Variants in KIAA0825 observed in about 807,000 individuals in gnomAD.
KIAA0825 encodes KIAA0825.
Under a neutral mutation model 147.6 loss-of-function variants are expected in KIAA0825, and 119 were observed. The observed-to-expected ratio is 0.81, with a 90% CI of 0.69 to 0.94. KIAA0825 has a LOEUF of 0.94. KIAA0825 is among the 40% of genes least tolerant of loss of function. The probability of loss-of-function intolerance (pLI) is 0.00; values close to 1 mark genes in which losing one functional copy is unlikely to be tolerated. For missense variants in KIAA0825, 1,381 were observed against 1,472.7 expected, an observed-to-expected ratio of 0.94 and a Z score of 1.02; for synonymous variants, 470 against 518.1, an observed-to-expected ratio of 0.91 and a Z score of 1.26.
chr5:94,590,041 G>A (rs562872523), intron 1 of KIAA0825, among the ~76,000 whole-genome samples: 1 of 152,170 alleles, frequency 6.6e-6, no homozygotes, highest in African/African-American at 2.4e-5. Context: ...CCAGGCTGGA[G>A]TGGAGTGGCG....
chr5:94,227,791 G>A (rs1774339292), intron 20 of KIAA0825, among the ~76,000 whole-genome samples: 1 of 151,484 alleles, frequency 6.6e-6, no homozygotes, highest in South Asian at 2.1e-4. Context: ...ATGGACACAG[G>A]GCGGGGAACA....
intron 20 of KIAA0825, among the ~76,000 whole-genome samples, chr5:94,216,277 A>G (rs1773189129): frequency 6.6e-6 from 1 of 152,190 alleles, no homozygotes. Flanking sequence ...TGTTCAAGGA[A>G]GATCACTGTG....
Position 94,453,061 on chromosome 5 carries a change from T to G in KIAA0825, c.2255A>C (p.Gln752Pro). 6.7e-7 allele frequency: 1 copy of G among 1,503,128 alleles called. No individual in the cohort carries two copies. The highest frequency in any genetic ancestry group is 1.3e-5 in the South Asian group (1 of 77,800). The allele number at this position is 1,503,128 out of a possible 1,614,324, so 93.1% of individuals were successfully genotyped here. The change falls in exon 13 of 21, where the codon CAG (glutamine) becomes CCG (proline). Residue 752 changes from glutamine (Q) to proline (P), a missense_variant. Transcript: ENST00000682413. ...TGAAGCAGACTCATCCAGGCCATGC[T>G]GAAAAGTCCTAGGGAAATACAAATA... The part of the protein sequence containing the change: ...SPLTELYKTF[Q>P]HGLDESASDS...
At chr5:94,233,538 A>AT (rs1349814367) in intron 20 of KIAA0825, among the ~76,000 whole-genome samples, 2 of 152,100 alleles carry the variant, frequency 1.3e-5, no homozygotes, top group East Asian at 1.9e-4. Flanking sequence ...TGAAATACCT[A>AT]TTTTTTTGAA....
intron 4 of KIAA0825, among the ~76,000 whole-genome samples, chr5:94,521,719 T>A (rs1768247118): frequency 6.6e-6 from 1 of 151,762 alleles, no homozygotes; most frequent in East Asian, 1.9e-4. Flanking sequence ...AAATTTACTT[T>A]TTTCTTGGGC....
intron 1 of KIAA0825, among the ~76,000 whole-genome samples, chr5:94,592,597 G>A (rs1784544262): frequency 6.6e-6 from 1 of 152,158 alleles, no homozygotes; most frequent in African/African-American, 2.4e-5. Context: ...CTCCAGAAAA[G>A]TTGCAGTGTG....
At chr5:94,344,205 C>T (rs912555984) in intron 20 of KIAA0825, among the ~76,000 whole-genome samples, 2 of 152,126 alleles carry the variant, frequency 1.3e-5, no homozygotes, top group Admixed American at 1.3e-4. Context: ...TCCAAATATT[C>T]ATCAACAGTG....
intron 14 of KIAA0825, among the ~76,000 whole-genome samples, chr5:94,429,424 G>A (rs1755355261): frequency 6.6e-6 from 1 of 151,702 alleles, no homozygotes; most frequent in South Asian, 2.1e-4. Flanking sequence ...TTTCTGGGGG[G>A]TGTGACTGTA....
intron 20 of KIAA0825, among the ~76,000 whole-genome samples, chr5:94,196,750 T>C (rs1176587394): frequency 6.6e-6 from 1 of 152,222 alleles, no homozygotes; most frequent in Non-Finnish European, 1.5e-5. Context: ...TTAATTTACT[T>C]AGGATAATGG....
chr5:94,194,251 C>T (rs1211745221), intron 20 of KIAA0825, among the ~76,000 whole-genome samples: 1 of 152,096 alleles, frequency 6.6e-6, no homozygotes, highest in Non-Finnish European at 1.5e-5. Context: ...ACACCACTCT[C>T]CTGGCTTTTC....
intron 2 of KIAA0825, chr5:94,570,140 C>T (rs1295271034): frequency 6.6e-6 from 1 of 152,422 alleles, no homozygotes; most frequent in Non-Finnish European, 1.5e-5. Flanking sequence ...TCTATTCCTA[C>T]ACGAAATAGG....
chr5:94,406,941 A>T (rs1225395181), intron 15 of KIAA0825, among the ~76,000 whole-genome samples: 1 of 152,196 alleles, frequency 6.6e-6, no homozygotes, highest in East Asian at 1.9e-4. Flanking sequence ...AAATTAACTC[A>T]GTGACTGAAA....
At chr5:94,512,479 G>T (rs1430402197) in intron 5 of KIAA0825, among the ~76,000 whole-genome samples, 3 of 151,716 alleles carry the variant, frequency 2.0e-5, no homozygotes, top group Non-Finnish European at 2.9e-5. Context: ...TTAAGATATG[G>T]GTCCAGGCAC....
chr5:94,346,520 AAAG>A (rs1426951398), intron 20 of KIAA0825, among the ~76,000 whole-genome samples: 12 of 152,116 alleles, frequency 7.9e-5, no homozygotes, highest in Non-Finnish European at 1.0e-4. Flanking sequence ...AGAAGTAGGA[AAAG>A]AAGACCCTCC....
Position 94,273,662 on chromosome 5 carries a change from G to A in KIAA0825, c.3710+110706C>T, listed in dbSNP as rs1170728574. Among the ~76,000 whole-genome samples, 3 of 152,028 alleles carry A rather than the reference G, an allele frequency of 2.0e-5. No individual in the cohort carries two copies. In the South Asian group the frequency reaches 6.2e-4, roughly 31 times the overall value. On this transcript the variant is annotated intron_variant, in intron 20 of 20. Coordinates refer to ENST00000682413, the MANE Select transcript of KIAA0825 (RefSeq NM_001145678.3). Reference sequence around the variant, plus strand: ...GTTTCCCTATGTCCTACAGCTCAGCGAATTTCTTAAAGGTGATTGGGGTTT... The same window carrying A: ...GTTTCCCTATGTCCTACAGCTCAGCAAATTTCTTAAAGGTGATTGGGGTTT...
At chr5:94,419,374 A>G (rs1444089417) in intron 14 of KIAA0825, among the ~76,000 whole-genome samples, 1 of 152,202 alleles carries the variant, frequency 6.6e-6, no homozygotes, top group Non-Finnish European at 1.5e-5. Context: ...ACATAAAATT[A>G]TCCATTATCC....
chr5:94,591,752 T>C (rs1784391641), intron 1 of KIAA0825, among the ~76,000 whole-genome samples: 1 of 152,138 alleles, frequency 6.6e-6, no homozygotes, highest in Non-Finnish European at 1.5e-5. Flanking sequence ...CTGGGTAATT[T>C]ATAAAGAAAA....
intron 15 of KIAA0825, chr5:94,416,960 TA>T (rs1169101107): frequency 5.8e-6 from 2 of 346,762 alleles, no homozygotes; most frequent in East Asian, 4.6e-5. Context: ...CCCTAATTAA[TA>T]AAAAAAGAAA....
intron 20 of KIAA0825, among the ~76,000 whole-genome samples, chr5:94,174,870 C>T (rs1768947759): frequency 6.6e-6 from 1 of 152,114 alleles, no homozygotes. Flanking sequence ...TAAACATCTT[C>T]CTTCCTAAGC....
Sources: gnomAD v4.1 joint callset for allele counts (sites outside exome capture counted in the v4.1 genomes callset) on GRCh38, gnomAD v4.1.1 for gene constraint, MANE v1.5 for transcripts, NCBI Gene and HGNC (gene_info 2026-07-23, HGNC 2026-07-21) for gene names.